LDLRAD4: variants seen among roughly 807,000 people sequenced by gnomAD.
LDLRAD4 encodes the protein low-density lipoprotein receptor class A domain-containing protein 4.
Under a neutral mutation model 17.0 loss-of-function variants are expected in LDLRAD4, and 5 were observed. The observed-to-expected ratio is 0.29, with a 90% confidence interval of 0.15 to 0.62. The LOEUF (loss-of-function observed/expected upper bound fraction) is 0.62. Among genes scored for constraint, LDLRAD4 ranks in the 20% least tolerant of loss-of-function variants. The pLI, the probability that LDLRAD4 is intolerant of heterozygous loss-of-function variation, is 0.84. For missense variants in LDLRAD4, 340 were observed against 424.7 expected (o/e 0.80, Z 1.75); for synonymous variants, 168 against 171.8 (o/e 0.98, Z 0.17).
chr18:13,275,123 G>T (rs1447335676), upstream of LDLRAD4, among the ~76,000 whole-genome samples: 1 of 152,140 alleles, frequency 6.6e-6, no homozygotes, highest in Non-Finnish European at 1.5e-5. Flanking sequence ...TTAGAGCCTG[G>T]TCTTTTGACC....
intron 2 of LDLRAD4, among the ~76,000 whole-genome samples, chr18:13,392,374 G>A (rs1351366015): frequency 6.6e-6 from 1 of 152,230 alleles, no homozygotes; most frequent in African/African-American, 2.4e-5. Context: ...TAAACTTACT[G>A]TTTTTGTGCT....
intron 1 of LDLRAD4, among the ~76,000 whole-genome samples, chr18:13,342,980 T>C (rs1020629929): frequency 8.5e-5 from 13 of 152,134 alleles, no homozygotes; most frequent in Non-Finnish European, 1.6e-4. Context: ...AATGACATGT[T>C]TTGATTCCCT....
At chr18:13,279,142 A>G (rs1476875695) in intron 1 of LDLRAD4, among the ~76,000 whole-genome samples, 1 of 152,204 alleles carries the variant, frequency 6.6e-6, no homozygotes, top group Non-Finnish European at 1.5e-5. Flanking sequence ...TTTCATGCCC[A>G]ATCGATTGGC....
At chr18:13,586,870 A>G (rs1279366981) in intron 3 of LDLRAD4, among the ~76,000 whole-genome samples, 1 of 151,922 alleles carries the variant, frequency 6.6e-6, no homozygotes, top group Non-Finnish European at 1.5e-5. Context: ...TCTAAAAAAA[A>G]AAAAAAAAGG....
intron 4 of LDLRAD4, among the ~76,000 whole-genome samples, chr18:13,634,604 A>C (rs1258092789): frequency 2.0e-5 from 3 of 152,202 alleles, no homozygotes; most frequent in African/African-American, 7.2e-5. Flanking sequence ...GTATTCATGA[A>C]TTGGAAGACT....
At chr18:13,627,939 A>G (rs1345237843) in intron 4 of LDLRAD4, among the ~76,000 whole-genome samples, 1 of 152,154 alleles carries the variant, frequency 6.6e-6, no homozygotes, top group Non-Finnish European at 1.5e-5. Context: ...TGGGTGTGCC[A>G]TATGTGACGA....
chr18:13,554,830 C>A (rs1011132202), intron 3 of LDLRAD4, among the ~76,000 whole-genome samples: 4 of 152,096 alleles, frequency 2.6e-5, no homozygotes, highest in Admixed American at 2.6e-4. Flanking sequence ...TCCTGACATG[C>A]GGACTGTGCA....
intron 1 of LDLRAD4, among the ~76,000 whole-genome samples, chr18:13,259,757 TG>T (rs1293104754): frequency 9.9e-5 from 15 of 152,044 alleles, no homozygotes; most frequent in Admixed American, 9.8e-4. Context: ...TGGGATAATT[TG>T]CCTTTACAGC....
At chr18:13,488,525 T>G (rs921129209) in intron 3 of LDLRAD4, 3 of 152,284 alleles carry the variant, frequency 2.0e-5, no homozygotes, top group Non-Finnish European at 2.9e-5. Context: ...TGTGGAGCCC[T>G]GCCTGTGCCC....
intron 2 of LDLRAD4, among the ~76,000 whole-genome samples, chr18:13,409,054 T>G (rs1416485272): frequency 6.6e-6 from 1 of 152,234 alleles, no homozygotes; most frequent in East Asian, 1.9e-4. Context: ...CCTGCCTTTG[T>G]GTCACAGCCC....
At chr18:13,458,587 A>T (rs1426970920) in intron 3 of LDLRAD4, among the ~76,000 whole-genome samples, 7 of 152,240 alleles carry the variant, frequency 4.6e-5, no homozygotes, top group African/African-American at 1.7e-4. Flanking sequence ...AATGCCCCCC[A>T]ACAAAAGGTG....
chr18:13,244,372 T>G (rs2042853532), intron 1 of LDLRAD4, among the ~76,000 whole-genome samples: 1 of 151,896 alleles, frequency 6.6e-6, no homozygotes, highest in South Asian at 2.1e-4. Flanking sequence ...TCCACCCATC[T>G]GTCCTAACAT....
chr18:13,622,608 G>A lies in LDLRAD4; in HGVS notation c.336+1337G>A, dbSNP rs2040755278. Among the ~76,000 whole-genome samples, 1 of 152,196 alleles carries A rather than the reference G, an allele frequency of 6.6e-6. No homozygotes were observed. The highest frequency in any genetic ancestry group is 2.4e-5 in the African/African-American group (1 of 41,444). On this transcript the variant is annotated intron_variant, in intron 4 of 5. Coordinates refer to ENST00000359446, the Ensembl canonical transcript of LDLRAD4. This position sits in a 1 kb window ranked among gnomAD's most constrained non-coding sequence, Gnocchi z 5.3. ...GGGTCCTTTGTCTGGTGTCCACAGA[G>A]CTGCGCCATCCAGACGCACTGAACA...
At chr18:13,325,677 G>A (rs546351493) in intron 1 of LDLRAD4, among the ~76,000 whole-genome samples, 9 of 152,164 alleles carry the variant, frequency 5.9e-5, no homozygotes, top group Non-Finnish European at 1.2e-4. Flanking sequence ...GCACCCGCCC[G>A]TCTCGGAACT....
chr18:13,441,608 C>T (rs1038616445), intron 3 of LDLRAD4, among the ~76,000 whole-genome samples: 5 of 152,174 alleles, frequency 3.3e-5, no homozygotes, highest in Admixed American at 2.6e-4. Flanking sequence ...CTGGCCGTGC[C>T]GTTAGCTTTG....
At chr18:13,256,759 A>G (rs1339315275) in intron 1 of LDLRAD4, among the ~76,000 whole-genome samples, 1 of 152,120 alleles carries the variant, frequency 6.6e-6, no homozygotes, top group East Asian at 1.9e-4. Context: ...TGGAAGAGAG[A>G]GCCTCTCTTT....
At chr18:13,343,255 C>T (rs777354456) in intron 1 of LDLRAD4, among the ~76,000 whole-genome samples, 223 of 123,290 alleles carry the variant, frequency 1.8e-3, no homozygotes, top group Non-Finnish European at 3.0e-3. Context: ...ACAACAGGCC[C>T]CAGTGTGTGA....
At chr18:13,422,185 A>G (rs2089529956) in intron 2 of LDLRAD4, among the ~76,000 whole-genome samples, 1 of 152,166 alleles carries the variant, frequency 6.6e-6, no homozygotes, top group Non-Finnish European at 1.5e-5. Context: ...ATGATTATGG[A>G]GCAAGAAGCT....
At chr18:13,582,623 C>A (rs1413020314) in intron 3 of LDLRAD4, among the ~76,000 whole-genome samples, 1 of 152,238 alleles carries the variant, frequency 6.6e-6, no homozygotes, top group Non-Finnish European at 1.5e-5. Flanking sequence ...GGCAGGAGGC[C>A]CACACCCTCC....
Sources: gnomAD v4.1 joint callset for allele counts (sites outside exome capture counted in the v4.1 genomes callset) on GRCh38, gnomAD v4.1.1 for gene constraint, Gnocchi (gnomAD v3.1) non-coding constraint, MANE v1.5 for transcripts, NCBI Gene and HGNC (gene_info 2026-07-23, HGNC 2026-07-21) for gene names.